The following OPA1 variants were observed in gnomAD, a reference collection of about 807,000 sequenced individuals.
The protein encoded by OPA1 is OPA1 mitochondrial dynamin like GTPase.
A neutral mutation model predicts 152.9 loss-of-function variants in OPA1; 59 were observed. The observed-to-expected ratio is 0.39, with a 90% confidence interval of 0.31 to 0.48. The LOEUF (loss-of-function observed/expected upper bound fraction) is 0.48, where lower values mean the gene tolerates loss of function less well. Among genes scored for constraint, OPA1 ranks in the 20% least tolerant of loss-of-function variants. The pLI is 0.96. For synonymous variants in OPA1, 400 were observed against 389.9 expected, an observed-to-expected ratio of 1.03 and a Z score of -0.31; for missense variants, 1,008 against 1,216.8, an observed-to-expected ratio of 0.83 and a Z score of 2.55.
At chr3:193,626,503 G>A (rs1355581853) in intron 7 of OPA1, among the ~76,000 whole-genome samples, 1 of 152,092 alleles carries the variant, frequency 6.6e-6, no homozygotes, top group African/African-American at 2.4e-5. Context: ...TCCAGTTATT[G>A]AGTCACCCTA....
intron 8 of OPA1, among the ~76,000 whole-genome samples, chr3:193,634,295 T>C (rs1732586363): frequency 6.7e-6 from 1 of 148,362 alleles, no homozygotes; most frequent in Non-Finnish European, 1.5e-5. Flanking sequence ...AAAAAAAACC[T>C]GTTTAGACAT....
intron 27 of OPA1, among the ~76,000 whole-genome samples, chr3:193,665,423 T>C (rs1451137134): frequency 6.6e-6 from 1 of 152,022 alleles, no homozygotes; most frequent in Non-Finnish European, 1.5e-5. Context: ...TAACCATCCA[T>C]TTGCATAATG....
At chr3:193,684,419 A>G (rs975337591) in intron 29 of OPA1, among the ~76,000 whole-genome samples, 1 of 148,846 alleles carries the variant, frequency 6.7e-6, no homozygotes, top group Admixed American at 6.7e-5. Flanking sequence ...ACTCATTGAC[A>G]TTGACAAGCA....
chr3:193,596,341 C>CTTTTCTTTTCTTTTCTTAA, intron 1 of OPA1, among the ~76,000 whole-genome samples: 2 of 132,992 alleles, frequency 1.5e-5, no homozygotes, highest in East Asian at 2.2e-4. Flanking sequence ...CTTTCCTTTT[C>CTTTTCTTTTCTTTTCTTAA]TTTTCTTTTC....
At chr3:193,678,717 T>G (rs1005262092) in intron 29 of OPA1, among the ~76,000 whole-genome samples, 1 of 152,216 alleles carries the variant, frequency 6.6e-6, no homozygotes, top group African/African-American at 2.4e-5. Flanking sequence ...TAGCATAGCA[T>G]GTACTGAAAA....
At chr3:193,684,057 G>C (rs1237670105) in intron 29 of OPA1, among the ~76,000 whole-genome samples, 1 of 152,134 alleles carries the variant, frequency 6.6e-6, no homozygotes, top group Non-Finnish European at 1.5e-5. Context: ...CAACACAGCA[G>C]TTGCTTAGGA....
intron 29 of OPA1, among the ~76,000 whole-genome samples, chr3:193,670,642 A>G (rs1717723631): frequency 6.6e-6 from 1 of 152,210 alleles, no homozygotes; most frequent in Non-Finnish European, 1.5e-5. Context: ...CTGGAATTAT[A>G]GGCATGAGCC....
At chr3:193,667,513 A>C (rs1178029953) in intron 29 of OPA1, 1 of 467,744 alleles carries the variant, frequency 2.1e-6, no homozygotes, top group African/African-American at 2.0e-5. Flanking sequence ...TACTAAAAAT[A>C]CAAAAAACTT....
chr3:193,617,062 A>G, intron 3 of OPA1, 116 bp from the exon 4 acceptor site: 1 of 671,352 alleles, frequency 1.5e-6, no homozygotes, highest in Non-Finnish European at 2.7e-6. Flanking sequence ...TGATAATAGT[A>G]GCTGTTTTGT....
intron 29 of OPA1, among the ~76,000 whole-genome samples, chr3:193,669,909 C>T (rs774902031): frequency 6.4e-4 from 97 of 152,238 alleles, no homozygotes; most frequent in Non-Finnish European, 1.1e-3. Flanking sequence ...CATATAACTC[C>T]CTTGAAATGA....
At chr3:193,654,536 G>A (rs560630591) in intron 21 of OPA1, among the ~76,000 whole-genome samples, 1 of 151,508 alleles carries the variant, frequency 6.6e-6, no homozygotes, top group Admixed American at 6.6e-5. Context: ...ACATACAACA[G>A]CATGATGAAC....
At chr3:193,633,323 ATTG>A (rs1017311502) in intron 8 of OPA1, among the ~76,000 whole-genome samples, 1 of 152,212 alleles carries the variant, frequency 6.6e-6, no homozygotes, top group African/African-American at 2.4e-5. Context: ...TTTGAGAATT[ATTG>A]TTCTAGAGCT....
chr3:193,641,758 G>C (rs1733815199), intron 11 of OPA1, among the ~76,000 whole-genome samples: 1 of 152,236 alleles, frequency 6.6e-6, no homozygotes, highest in Non-Finnish European at 1.5e-5. Context: ...AGAGAAGCTA[G>C]AAAGGTGTCA....
chr3:193,662,761 T>C (rs188421257), intron 25 of OPA1, 61 bp from the exon 26 acceptor site: 1,153 of 1,405,898 alleles, frequency 8.2e-4, no homozygotes, highest in Non-Finnish European at 1.1e-3. Flanking sequence ...AAATTGAGAC[T>C]GTTTTTCAAG....
In OPA1 at chr3:193,617,164, T is replaced by A; in HGVS notation, c.449-14T>A. On this transcript the variant is annotated splice_polypyrimidine_tract_variant and intron_variant, in intron 3 of 30. Transcript: ENST00000361510. ...TTCTTAGTTTCATACTCTATATGTT[T>A]TGATCTTTTCCAGAGAAAATTAGAA... The A allele has an allele frequency of 6.8e-7, 1 of 1,468,634 alleles. No individual in the cohort carries two copies. The highest frequency in any genetic ancestry group is 9.5e-7 in the Non-Finnish European group (1 of 1,047,810). 91.0% of individuals were successfully genotyped at this position (1,468,634 alleles called of 1,614,324 possible). A position where few individuals can be genotyped will look rare whatever the true frequency, so the allele number is the denominator to read the frequency against.
chr3:193,688,633 C>A (rs1427080369), intron 29 of OPA1, among the ~76,000 whole-genome samples: 1 of 151,828 alleles, frequency 6.6e-6, no homozygotes, highest in Non-Finnish European at 1.5e-5. Context: ...ACCAAAGAGA[C>A]TTAAAATAAC....
rs567168938 is a variant in OPA1 at position 193,696,668 on chromosome 3, G to C, written c.*2068G>C. 6.6e-6 allele frequency: 1 copy of C among 152,296 alleles called. No homozygotes were observed. Among genetic ancestry groups the C allele is most frequent in the Non-Finnish European group, 1.5e-5 (1 of 68,028 alleles). 9.4% of individuals were successfully genotyped at this position (152,296 alleles called of 1,614,324 possible). A position where few individuals can be genotyped will look rare whatever the true frequency, so the allele number is the denominator to read the frequency against. On this transcript the variant is annotated 3_prime_UTR_variant, in exon 31 of 31. Transcript: ENST00000361510. Reference sequence around the variant, plus strand: ...TGTCTGTAGTTCAAAAGTCAGAAATGATTCTAATTTAAACAAAAAGATACT... The same window carrying C: ...TGTCTGTAGTTCAAAAGTCAGAAATCATTCTAATTTAAACAAAAAGATACT...
In OPA1 at chr3:193,631,893, A is replaced by C. The variant is rs901774447; in HGVS notation, c.843+228A>C. 1.4e-5 allele frequency: 8 copies of C among 577,532 alleles called. No individual in the cohort carries two copies. The East Asian group carries it at 1.7e-4, about 12-fold the overall frequency. The allele number at this position is 577,532 out of a possible 1,614,324, so 35.8% of individuals were successfully genotyped here. A position where few individuals can be genotyped will look rare whatever the true frequency, so the allele number is the denominator to read the frequency against. ...ATATGTAAAAACCTATTTTGAGTGA[A>C]TCTTATGCCCAAAAGGGAGAAAGTG... On this transcript the variant is annotated intron_variant, in intron 8 of 30. Transcript: ENST00000361510.
intron 22 of OPA1, among the ~76,000 whole-genome samples, chr3:193,656,022 C>G (rs1016451420): frequency 1.3e-5 from 2 of 152,146 alleles, no homozygotes; most frequent in Non-Finnish European, 2.9e-5. Context: ...ACTCCAGCAG[C>G]CTCCCTGCCT....
Sources: allele counts gnomAD v4.1 joint callset (sites outside exome capture counted in the v4.1 genomes callset), GRCh38; gene constraint gnomAD v4.1.1; transcripts MANE v1.5; gene names NCBI Gene and HGNC (gene_info 2026-07-23, HGNC 2026-07-21).